Variants in TCF7L1 observed in about 807,000 individuals in gnomAD.
TCF7L1 encodes the protein transcription factor 7 like 1.
Under a neutral mutation model 63.7 loss-of-function variants are expected in TCF7L1, and 18 were observed. The observed-to-expected ratio is 0.28, with a 90% CI of 0.20 to 0.42. TCF7L1 has a LOEUF of 0.42. Among genes scored for constraint, TCF7L1 ranks in the 10% least tolerant of loss-of-function variants. TCF7L1 has a pLI of 1.00. For missense variants in TCF7L1, 654 were observed against 779.3 expected (o/e 0.84, Z 1.91); for synonymous variants, 355 against 340.9 (o/e 1.04, Z -0.46).
chr2:85,307,028 A>G (rs1461769004), intron 10 of TCF7L1, among the ~76,000 whole-genome samples: 1 of 152,186 alleles, frequency 6.6e-6, no homozygotes, highest in Non-Finnish European at 1.5e-5. Context: ...AGAAATAAGG[A>G]AGGTGTTTTA....
rs774050758 is a variant in TCF7L1, at chr2:85,294,026, A to ATTTTTTTTTTTTTT, written c.526-8443_526-8430dup. Among the ~76,000 whole-genome samples, 83 of 59,484 alleles carry ATTTTTTTTTTTTTT rather than the reference A, an allele frequency of 1.4e-3. 11 individuals carry two copies. Among genetic ancestry groups the ATTTTTTTTTTTTTT allele is most frequent in the East Asian group, 1.7e-3 (2 of 1,158 alleles). The allele number at this position is 59,484 out of a possible 152,430, so 39.0% of individuals were successfully genotyped here. A position where few individuals can be genotyped will look rare whatever the true frequency, so the allele number is the denominator to read the frequency against. ...ATTTAGGTGTGGCCTGAACACTGGG[A>ATTTTTTTTTTTTTT]TTTTTTTTTTTTTTTTTTTTTTTTT... On this transcript the variant is annotated intron_variant, in intron 4 of 11. Transcript: ENST00000282111.
chr2:85,207,309 A>C lies in TCF7L1; in HGVS notation c.441+72859A>C, dbSNP rs377305240. The stretch of plus-strand genomic sequence containing the variant: ...CCTGACCCTTGTTGTCTTTCACACC[A>C]CTTTGTCCCTCAGTCACAACCACCA... On this transcript the variant is annotated intron_variant, in intron 3 of 11. Transcript: ENST00000282111. Among the ~76,000 whole-genome samples, 97 of 152,242 alleles carry C rather than the reference A, an allele frequency of 6.4e-4. 2 individuals are homozygous for C. In the South Asian group the frequency reaches 0.02, roughly 32 times the overall value.
chr2:85,267,670 G>C (rs1573017405), intron 3 of TCF7L1, among the ~76,000 whole-genome samples: 1 of 145,630 alleles, frequency 6.9e-6, no homozygotes, highest in African/African-American at 2.5e-5. Flanking sequence ...AAAAAAAAGA[G>C]TTGGCTTTTG....
rs1013645363 is a variant in TCF7L1 at position 85,304,112 on chromosome 2, C to A, written c.761+115C>A. On this transcript the variant is annotated intron_variant, in intron 6 of 11. Transcript: ENST00000282111. ...CTCAGAGGCAAGCCCAGGACTAGGC[C>A]TCCCTGCCCCCGCCCAGGCAGCGTG... The A allele has an allele frequency of 3.4e-6, 4 of 1,172,002 alleles. No homozygotes were observed. In the African/African-American group the frequency reaches 6.0e-5, roughly 18 times the overall value. The allele number at this position is 1,172,002 out of a possible 1,614,324, so 72.6% of individuals were successfully genotyped here. A position where few individuals can be genotyped will look rare whatever the true frequency, so the allele number is the denominator to read the frequency against.
chr2:85,181,118 G>A (rs1572979430), intron 3 of TCF7L1, among the ~76,000 whole-genome samples: 1 of 152,202 alleles, frequency 6.6e-6, no homozygotes, highest in South Asian at 2.1e-4. Context: ...CTGAGTTGGG[G>A]CTTCTTTTTG....
intron 3 of TCF7L1, among the ~76,000 whole-genome samples, chr2:85,157,092 A>T (rs1678167801): frequency 6.6e-6 from 1 of 152,228 alleles, no homozygotes; most frequent in African/African-American, 2.4e-5. Context: ...ATACACACAA[A>T]TAAAAACATA....
At chr2:85,241,828 C>T (rs1051008658) in intron 3 of TCF7L1, among the ~76,000 whole-genome samples, 2 of 151,980 alleles carry the variant, frequency 1.3e-5, no homozygotes, top group Non-Finnish European at 2.9e-5. Context: ...TCCTTAGAAA[C>T]TTAAAAAAAG....
intron 3 of TCF7L1, among the ~76,000 whole-genome samples, chr2:85,240,652 G>A (rs966318719): frequency 2.0e-5 from 3 of 151,390 alleles, no homozygotes; most frequent in Admixed American, 1.3e-4. Context: ...ACATGGTGGC[G>A]AGTGCCTGTA....
intron 3 of TCF7L1, among the ~76,000 whole-genome samples, chr2:85,236,400 C>T (rs1351508441): frequency 1.3e-5 from 2 of 152,138 alleles, no homozygotes; most frequent in Non-Finnish European, 2.9e-5. Context: ...CATACTTCCC[C>T]CGTTTGTCTG....
intron 3 of TCF7L1, chr2:85,217,174 A>G (rs1251043411): frequency 1.3e-5 from 2 of 152,206 alleles, no homozygotes; most frequent in Non-Finnish European, 2.9e-5. Flanking sequence ...AAGTCTGCAC[A>G]TTGTGGCCAT....
At chr2:85,223,492 G>A (rs770403959) in intron 3 of TCF7L1, among the ~76,000 whole-genome samples, 9 of 152,286 alleles carry the variant, frequency 5.9e-5, no homozygotes, top group South Asian at 2.1e-4. Context: ...GGGAGGGGCC[G>A]GCAAGGGTAG....
In TCF7L1 at chr2:85,297,744, C is replaced by G. The variant is rs970596985; in HGVS notation, c.526-4740C>G. ...AAGCTGCAGTGAGCTGAGGTCACACCACTACACTCCAGCCTGGGGGGACAC... is the reference window on the plus strand; with the variant it reads ...AAGCTGCAGTGAGCTGAGGTCACACGACTACACTCCAGCCTGGGGGGACAC... On this transcript the variant is annotated intron_variant, in intron 4 of 11. Transcript: ENST00000282111. Among the ~76,000 whole-genome samples the G allele has an allele frequency of 2.0e-5, 3 of 151,904 alleles. No homozygotes were observed. The East Asian group carries it at 5.8e-4, about 30-fold the overall frequency.
At chr2:85,287,773 A>C (rs889630700) in intron 4 of TCF7L1, among the ~76,000 whole-genome samples, 13 of 152,170 alleles carry the variant, frequency 8.5e-5, no homozygotes, top group Admixed American at 2.6e-4. Context: ...TTCCAACGAG[A>C]GGTGTGTACG....
chr2:85,207,916 T>G (rs57015835), intron 3 of TCF7L1, among the ~76,000 whole-genome samples: 12,383 of 151,824 alleles, frequency 0.082, 698 homozygotes, highest in African/African-American at 0.16. Flanking sequence ...GCATTTTTTT[T>G]GGGGGGCGGG....
intron 3 of TCF7L1, among the ~76,000 whole-genome samples, chr2:85,242,678 C>T (rs1030270639): frequency 1.3e-5 from 2 of 152,216 alleles, no homozygotes; most frequent in African/African-American, 4.8e-5. Flanking sequence ...GCTCAGTCTT[C>T]CTGAAGACTT....
At chr2:85,207,966 G>C (rs1404289799) in intron 3 of TCF7L1, among the ~76,000 whole-genome samples, 1 of 152,060 alleles carries the variant, frequency 6.6e-6, no homozygotes, top group Non-Finnish European at 1.5e-5. Context: ...GAGTTCAGTG[G>C]CGCCATCTCG....
intron 3 of TCF7L1, among the ~76,000 whole-genome samples, chr2:85,189,209 A>AT (rs920058217): frequency 1.5e-4 from 23 of 149,558 alleles, no homozygotes; most frequent in African/African-American, 2.9e-4. Context: ...CGCTTCGGGG[A>AT]TTTTTTTTTT....
At chr2:85,295,416 G>C (rs1438264314) in intron 4 of TCF7L1, among the ~76,000 whole-genome samples, 1 of 152,096 alleles carries the variant, frequency 6.6e-6, no homozygotes, top group Non-Finnish European at 1.5e-5. Context: ...GGTCAGGCTG[G>C]TCTCGAACTC....
chr2:85,194,632 G>C (rs1679113343), intron 3 of TCF7L1, among the ~76,000 whole-genome samples: 1 of 152,172 alleles, frequency 6.6e-6, no homozygotes, highest in South Asian at 2.1e-4. Flanking sequence ...CTTGAGTCTA[G>C]AATTGTGTGC....
Sources: gnomAD v4.1 joint callset for allele counts (sites outside exome capture counted in the v4.1 genomes callset) on GRCh38, gnomAD v4.1.1 for gene constraint, MANE v1.5 for transcripts, NCBI Gene and HGNC (gene_info 2026-07-23, HGNC 2026-07-21) for gene names.